The following SULT1E1 variants were observed in gnomAD, a reference collection of about 807,000 sequenced individuals.
SULT1E1 encodes sulfotransferase family 1E member 1.
SULT1E1 carries 36 observed loss-of-function variants against 33.6 expected under a neutral mutation model. That is an observed-to-expected ratio of 1.07 (90% CI 0.82 to 1.41). The LOEUF is 1.41. Among genes scored for constraint, SULT1E1 ranks in the 40% most tolerant of loss-of-function variants. The pLI, the probability that SULT1E1 is intolerant of heterozygous loss-of-function variation, is 0.00. For synonymous variants in SULT1E1, 121 were observed against 111.7 expected, an observed-to-expected ratio of 1.08 and a Z score of -0.53; for missense variants, 371 against 345.7, an observed-to-expected ratio of 1.07 and a Z score of -0.58.
the SULT1E1 span, among the ~76,000 whole-genome samples, chr4:69,829,743 G>A: frequency 6.6e-6 from 1 of 152,150 alleles, no homozygotes; most frequent in African/African-American, 2.4e-5. Flanking sequence ...CCGATAGAAA[G>A]GCCTTCTTTC....
intron 4 of SULT1E1, among the ~76,000 whole-genome samples, chr4:69,850,368 A>G (rs1721076911): frequency 6.6e-6 from 1 of 152,064 alleles, no homozygotes; most frequent in Non-Finnish European, 1.5e-5. Flanking sequence ...TCAGGCACCT[A>G]AGCAATGTCA....
At chr4:69,851,546 C>T (rs537908563) in intron 4 of SULT1E1, among the ~76,000 whole-genome samples, 7 of 152,258 alleles carry the variant, frequency 4.6e-5, no homozygotes, top group Admixed American at 2.0e-4. Flanking sequence ...CTAGTTCAAC[C>T]ATTGTGGAAG....
At chr4:69,848,809 T>C (rs1361678229) in intron 5 of SULT1E1, among the ~76,000 whole-genome samples, 2 of 151,976 alleles carry the variant, frequency 1.3e-5, no homozygotes, top group Non-Finnish European at 2.9e-5. Flanking sequence ...TTTAGAATAC[T>C]AGACTATCCT....
In SULT1E1 at chr4:69,857,632, G is replaced by T; in HGVS notation, c.13C>A (p.Leu5Ile). The T allele has an allele frequency of 1.2e-6, 2 of 1,600,454 alleles. No individual in the cohort carries two copies. Among genetic ancestry groups the T allele is most frequent in the Non-Finnish European group, 1.7e-6 (2 of 1,175,952 alleles). Reference sequence around the variant, plus strand: ...TCTTCAAACTTTTCATAATAGTCAAGTTCAGAATTCATTGTGGTACACTGA... The same window carrying T: ...TCTTCAAACTTTTCATAATAGTCAATTTCAGAATTCATTGTGGTACACTGA... MNSE[L>I]DYYEKFEEVH... The change falls in exon 2 of 8, where the codon CTT (leucine) becomes ATT (isoleucine). Residue 5 changes from leucine (L) to isoleucine (I), a missense_variant. Leu to Ile is a conservative substitution (Grantham distance 5). Coordinates refer to ENST00000226444, the MANE Select transcript of SULT1E1 (RefSeq NM_005420.3).
At chr4:69,828,231 C>T in the SULT1E1 span, among the ~76,000 whole-genome samples, 11 of 152,202 alleles carry the variant, frequency 7.2e-5, no homozygotes, top group African/African-American at 2.7e-4. Context: ...AAGCCAGCAG[C>T]GGCAACCCAC....
rs145197141 is a variant in SULT1E1 at position 69,848,819 on chromosome 4, T to C, written c.496+618A>G. On this transcript the variant is annotated intron_variant, in intron 5 of 7. Coordinates refer to ENST00000226444, the MANE Select transcript of SULT1E1 (RefSeq NM_005420.3). ...CCTTCTTTAGAATACTAGACTATCC[T>C]GCACCCTTTCTTCCTCAAATCTAAA... Among the ~76,000 whole-genome samples the C allele has an allele frequency of 3.2e-3, 494 of 152,068 alleles. 4 individuals are homozygous for C. The highest frequency in any genetic ancestry group is 0.011 in the African/African-American group (464 of 41,558).
intron 4 of SULT1E1, among the ~76,000 whole-genome samples, chr4:69,849,877 C>G (rs1298116026): frequency 6.6e-6 from 1 of 151,770 alleles, no homozygotes; most frequent in Non-Finnish European, 1.5e-5. Flanking sequence ...ATTTATTATT[C>G]TCAATGTATA....
At chr4:69,838,808 G>T (rs138038049), downstream of SULT1E1, among the ~76,000 whole-genome samples, 105 of 152,200 alleles carry the variant, frequency 6.9e-4, no homozygotes, top group African/African-American at 2.4e-3. Context: ...CTGAGGTAGG[G>T]TTTCTCCACT....
In SULT1E1 at chr4:69,858,674, A is replaced by T. The variant is rs148930733; in HGVS notation, c.-9-1021T>A. ...CTTTTAAAAAACCTTCCTCTACATC[A>T]TATCAGATGTAATGTCACCAAAAAT... On this transcript the variant is annotated intron_variant, in intron 1 of 7. Coordinates refer to ENST00000226444, the MANE Select transcript of SULT1E1 (RefSeq NM_005420.3). Among the ~76,000 whole-genome samples, 137 of 152,212 alleles carry T rather than the reference A, an allele frequency of 9.0e-4. 1 individual carries two copies. Among genetic ancestry groups the T allele is most frequent in the Non-Finnish European group, 1.6e-4 (11 of 67,968 alleles).
the SULT1E1 span, among the ~76,000 whole-genome samples, chr4:69,821,807 T>A: frequency 1.3e-5 from 2 of 152,238 alleles, no homozygotes; most frequent in Non-Finnish European, 2.9e-5. Flanking sequence ...TAGTTTCCAT[T>A]TCCTATTTTC....
At chr4:69,847,869 T>C (rs1578103468) in intron 5 of SULT1E1, 77 bp from the exon 6 acceptor site, 1 of 764,868 alleles carries the variant, frequency 1.3e-6, no homozygotes, top group African/African-American at 1.8e-5. Context: ...CAAGCAACAA[T>C]AACAACAAAT....
the SULT1E1 span, among the ~76,000 whole-genome samples, chr4:69,830,914 C>T: frequency 1.3e-5 from 2 of 152,192 alleles, no homozygotes; most frequent in South Asian, 2.1e-4. Context: ...GCTCACTCTG[C>T]CCCCTGGATG....
At chr4:69,826,751 C>T in the SULT1E1 span, among the ~76,000 whole-genome samples, 34,036 of 152,048 alleles carry the variant, frequency 0.22, 4,617 homozygotes, top group Non-Finnish European at 0.31. Context: ...TAATACTATC[C>T]TGCAGCTTGA....
the SULT1E1 span, among the ~76,000 whole-genome samples, chr4:69,822,824 G>A: frequency 3.3e-5 from 5 of 152,064 alleles, no homozygotes; most frequent in African/African-American, 1.2e-4. Context: ...ATAAAGAACT[G>A]CTGTACATGG....
the SULT1E1 span, among the ~76,000 whole-genome samples, chr4:69,826,913 G>T: frequency 1.3e-5 from 2 of 152,008 alleles, no homozygotes; most frequent in Admixed American, 6.6e-5. Context: ...CCTCCATATA[G>T]CTCCCCTTCC....
chr4:69,851,715 G>A, intron 4 of SULT1E1, among the ~76,000 whole-genome samples: 1 of 152,078 alleles, frequency 6.6e-6, no homozygotes, highest in Non-Finnish European at 1.5e-5. Flanking sequence ...CAAAGACTTG[G>A]AACCAACCCA....
chr4:69,823,083 A>C, the SULT1E1 span, among the ~76,000 whole-genome samples: 16 of 152,336 alleles, frequency 1.1e-4, no homozygotes, highest in African/African-American at 3.6e-4. Context: ...AGGGTAAAGC[A>C]GGAGAATCTT....
the SULT1E1 span, among the ~76,000 whole-genome samples, chr4:69,827,065 A>G: frequency 6.6e-6 from 1 of 152,142 alleles, no homozygotes; most frequent in Non-Finnish European, 1.5e-5. Context: ...CAACCCAGGT[A>G]CATGTCCCCT....
chr4:69,852,110 A>C (rs1436218651), intron 4 of SULT1E1, among the ~76,000 whole-genome samples: 1 of 152,028 alleles, frequency 6.6e-6, no homozygotes, highest in African/African-American at 2.4e-5. Context: ...GTACCCTAAA[A>C]CTTGAAGTAT....
Sources: gnomAD v4.1 joint callset for allele counts (sites outside exome capture counted in the v4.1 genomes callset) on GRCh38, gnomAD v4.1.1 for gene constraint, MANE v1.5 for transcripts, NCBI Gene and HGNC (gene_info 2026-07-23, HGNC 2026-07-21) for gene names.